Variants in DCDC1 observed in about 807,000 individuals in gnomAD.
DCDC1 encodes doublecortin domain containing 1.
In DCDC1, 200 loss-of-function variants were observed where a neutral mutation model predicts 178.3. That is an observed-to-expected ratio of 1.12 (90% CI 1.00 to 1.26). DCDC1 has a LOEUF of 1.26. Ranked by LOEUF, DCDC1 falls within the 50% of genes most tolerant of loss-of-function variation. The probability of loss-of-function intolerance (pLI) is 0.00; values close to 1 mark genes in which losing one functional copy is unlikely to be tolerated. For synonymous variants in DCDC1, 690 were observed against 604.8 expected, an observed-to-expected ratio of 1.14 and a Z score of -2.07; for missense variants, 1,983 against 1,749.2, an observed-to-expected ratio of 1.13 and a Z score of -2.38.
chr11:31,273,284 A>G (rs1945720045), intron 7 of DCDC1, among the ~76,000 whole-genome samples: 1 of 152,122 alleles, frequency 6.6e-6, no homozygotes, highest in Non-Finnish European at 1.5e-5. Flanking sequence ...AATTTTCCAA[A>G]CTTTTATGCT....
At chr11:30,900,813 G>A (rs537648430) in intron 32 of DCDC1, among the ~76,000 whole-genome samples, 1 of 152,080 alleles carries the variant, frequency 6.6e-6, no homozygotes, top group South Asian at 2.1e-4. Flanking sequence ...TCAAGCACAG[G>A]GGAAAGGAGT....
intron 20 of DCDC1, among the ~76,000 whole-genome samples, chr11:30,991,374 C>T (rs1158629812): frequency 2.6e-5 from 4 of 152,122 alleles, no homozygotes; most frequent in Non-Finnish European, 5.9e-5. Context: ...TGCAAGGTCA[C>T]CAGGCTTAGT....
chr11:30,883,399 C>A (rs1276096575), intron 36 of DCDC1: 3 of 397,022 alleles, frequency 7.6e-6, no homozygotes, highest in Non-Finnish European at 1.0e-5. Context: ...TAAACCTATA[C>A]ATTATTGGTG....
At chr11:31,335,097 C>A (rs1308799351) in intron 2 of DCDC1, among the ~76,000 whole-genome samples, 1 of 152,176 alleles carries the variant, frequency 6.6e-6, no homozygotes, top group Non-Finnish European at 1.5e-5. Context: ...CCTACTCAAG[C>A]CTCAGCAATG....
chr11:31,064,772 A>G, intron 19 of DCDC1, 146 bp from the exon 20 acceptor site: 1 of 586,792 alleles, frequency 1.7e-6, no homozygotes, highest in Non-Finnish European at 3.0e-6. Context: ...TGGCCAAAAG[A>G]AAAGAAGGCA....
chr11:31,137,897 G>C (rs923414973), intron 9 of DCDC1, 113 bp from the exon 10 acceptor site: 2 of 576,342 alleles, frequency 3.5e-6, no homozygotes, highest in Non-Finnish European at 6.2e-6. Context: ...TATTAATTTT[G>C]ATGATACGTA....
intron 9 of DCDC1, among the ~76,000 whole-genome samples, chr11:31,221,342 C>T (rs1974239010): frequency 6.6e-6 from 1 of 152,128 alleles, no homozygotes; most frequent in African/African-American, 2.4e-5. Context: ...AATGGACAGG[C>T]ATAGGATAAA....
At chr11:31,140,818 A>C (rs995986946) in intron 9 of DCDC1, among the ~76,000 whole-genome samples, 2 of 152,216 alleles carry the variant, frequency 1.3e-5, no homozygotes, top group African/African-American at 4.8e-5. Context: ...AACAATTTCC[A>C]TTGGTTGTTA....
chr11:31,312,969 AAC>A lies in DCDC1; in HGVS notation c.165-5063_165-5062del, dbSNP rs1451642262. On this transcript the variant is annotated intron_variant, in intron 3 of 38. Coordinates refer to ENST00000684477, the MANE Select transcript of DCDC1 (RefSeq NM_001387274.1). ...CAGGGAGTTCAAGATCAGCCTGGGC[AAC>A]AGAGCAAGACCTCGTCTCTAAAAAA... is the stretch of plus-strand genomic sequence containing the variant. 5.9e-5 allele frequency among the ~76,000 whole-genome samples: 9 copies of A among 152,282 alleles called. No individual in the cohort carries two copies. In the East Asian group the frequency reaches 1.7e-3, roughly 29 times the overall value.
intron 9 of DCDC1, among the ~76,000 whole-genome samples, chr11:31,213,736 A>C (rs1209563559): frequency 1.3e-5 from 2 of 151,986 alleles, no homozygotes; most frequent in Non-Finnish European, 2.9e-5. Flanking sequence ...AAAACAAAAA[A>C]AAAAGTGGTC....
intron 7 of DCDC1, among the ~76,000 whole-genome samples, chr11:31,288,440 T>A (rs1946994292): frequency 6.6e-6 from 1 of 151,948 alleles, no homozygotes; most frequent in South Asian, 2.1e-4. Context: ...ATTTCAAACT[T>A]CTTAATTACT....
intron 8 of DCDC1, among the ~76,000 whole-genome samples, chr11:31,263,529 A>C (rs572323711): frequency 6.6e-6 from 1 of 152,326 alleles, no homozygotes; most frequent in South Asian, 2.1e-4. Flanking sequence ...ACATGTAATA[A>C]AATGAAAAAT....
chr11:31,165,793 G>A (rs533420821), intron 9 of DCDC1, among the ~76,000 whole-genome samples: 1 of 152,290 alleles, frequency 6.6e-6, no homozygotes, highest in East Asian at 1.9e-4. Context: ...GGAGGTTGTA[G>A]TGCTAGAGTG....
intron 20 of DCDC1, among the ~76,000 whole-genome samples, chr11:30,979,690 A>G (rs1242629110): frequency 1.3e-5 from 2 of 152,358 alleles, no homozygotes; most frequent in East Asian, 3.9e-4. Flanking sequence ...GCCTACAGCC[A>G]TACAAACCAC....
intron 3 of DCDC1, among the ~76,000 whole-genome samples, chr11:31,315,646 C>CTTTTTT (rs59083470): frequency 6.9e-3 from 778 of 112,148 alleles, no homozygotes; most frequent in African/African-American, 9.9e-3. Context: ...ATCTGCATAC[C>CTTTTTT]TTTTTTTTTT....
chr11:31,311,458 A>T (rs1307806370), intron 3 of DCDC1, among the ~76,000 whole-genome samples: 1 of 152,270 alleles, frequency 6.6e-6, no homozygotes, highest in Non-Finnish European at 1.5e-5. Flanking sequence ...AAAATACATC[A>T]TACAATTTAA....
intron 32 of DCDC1, among the ~76,000 whole-genome samples, chr11:30,901,995 G>A (rs1355299910): frequency 6.6e-6 from 1 of 152,006 alleles, no homozygotes; most frequent in Non-Finnish European, 1.5e-5. Context: ...TCATATTTAT[G>A]AGGACCAAAT....
intron 9 of DCDC1, among the ~76,000 whole-genome samples, chr11:31,144,037 G>C (rs1298541325): frequency 6.6e-6 from 1 of 152,138 alleles, no homozygotes; most frequent in Non-Finnish European, 1.5e-5. Context: ...TTTTAAAAGA[G>C]TATTATTTTA....
chr11:31,236,869 A>T (rs984866756), intron 9 of DCDC1, among the ~76,000 whole-genome samples: 1 of 152,020 alleles, frequency 6.6e-6, no homozygotes, highest in African/African-American at 2.4e-5. Flanking sequence ...GTGTTGTCAC[A>T]GAAAGGCTAA....
Sources: allele counts gnomAD v4.1 joint callset (sites outside exome capture counted in the v4.1 genomes callset), GRCh38; gene constraint gnomAD v4.1.1; transcripts MANE v1.5; gene names NCBI Gene and HGNC (gene_info 2026-07-23, HGNC 2026-07-21).